The following SUMF1 variants were observed in gnomAD, a reference collection of about 807,000 sequenced individuals.
The protein encoded by SUMF1 is sulfatase modifying factor 1, also known as formylglycine-generating enzyme.
In SUMF1, 48 loss-of-function variants were observed where a neutral mutation model predicts 47.6. That is an observed-to-expected ratio of 1.01 (90% CI 0.80 to 1.28). The LOEUF (loss-of-function observed/expected upper bound fraction) is 1.28, where lower values mean the gene tolerates loss of function less well. SUMF1 is among the 50% of genes most tolerant of loss of function. SUMF1 has a pLI of 0.00. For synonymous variants in SUMF1, 230 were observed against 192.1 expected (o/e 1.20, Z -1.63); for missense variants, 571 against 485.4 (o/e 1.18, Z -1.66).
At chr3:4,203,838 A>T (rs748093510) in intron 8 of SUMF1, among the ~76,000 whole-genome samples, 1 of 151,854 alleles carries the variant, frequency 6.6e-6, no homozygotes, top group Non-Finnish European at 1.5e-5. Context: ...AACAACATTG[A>T]TTACAAAAAC....
intron 9 of SUMF1, among the ~76,000 whole-genome samples, chr3:4,038,335 A>G (rs980625528): frequency 1.3e-5 from 2 of 152,014 alleles, no homozygotes; most frequent in Non-Finnish European, 2.9e-5. Context: ...GATGGGGTGG[A>G]GTCTGTGGGA....
At chr3:4,373,515 G>T (rs1364239708) in intron 8 of SUMF1, among the ~76,000 whole-genome samples, 1 of 151,884 alleles carries the variant, frequency 6.6e-6, no homozygotes, top group Non-Finnish European at 1.5e-5. Context: ...CCACTCAGGA[G>T]GCTGAGGCAG....
intron 8 of SUMF1, among the ~76,000 whole-genome samples, chr3:4,098,274 C>A (rs1222233632): frequency 6.6e-6 from 1 of 152,022 alleles, no homozygotes; most frequent in Non-Finnish European, 1.5e-5. Flanking sequence ...ATAAAATATA[C>A]TAAATATTTA....
chr3:4,199,388 A>G (rs1162952155), intron 8 of SUMF1, among the ~76,000 whole-genome samples: 3 of 152,122 alleles, frequency 2.0e-5, no homozygotes, highest in Non-Finnish European at 2.9e-5. Flanking sequence ...CAGCTGAAGG[A>G]TATTTACGTT....
At chr3:4,122,046 C>T (rs866595275) in intron 8 of SUMF1, among the ~76,000 whole-genome samples, 1 of 151,382 alleles carries the variant, frequency 6.6e-6, no homozygotes, top group Non-Finnish European at 1.5e-5. Flanking sequence ...GACATGATCG[C>T]GTTCTTTTTT....
At chr3:4,314,443 G>A (rs1298614270) in intron 8 of SUMF1, 1 of 152,194 alleles carries the variant, frequency 6.6e-6, no homozygotes, top group African/African-American at 2.4e-5. Context: ...ATGGATCAAG[G>A]AAAAAGGCAT....
At chr3:4,266,436 G>T (rs533876054) in intron 8 of SUMF1, among the ~76,000 whole-genome samples, 2,524 of 152,144 alleles carry the variant, frequency 0.017, 80 homozygotes, top group African/African-American at 0.058. Context: ...TCCTTGAAGA[G>T]GTCCTTCACA....
intron 1 of SUMF1, among the ~76,000 whole-genome samples, chr3:4,465,870 G>A (rs910686278): frequency 6.6e-6 from 1 of 152,180 alleles, no homozygotes; most frequent in Admixed American, 6.5e-5. Flanking sequence ...GAAGGGGAGA[G>A]AAAGAGGAGA....
intron 8 of SUMF1, among the ~76,000 whole-genome samples, chr3:4,337,555 A>C (rs554854927): frequency 1.3e-5 from 2 of 151,968 alleles, no homozygotes; most frequent in African/African-American, 4.8e-5. Context: ...ACATGCCCAC[A>C]ACCTCTGCTC....
chr3:4,091,098 A>ACAAC (rs35628122), intron 8 of SUMF1, among the ~76,000 whole-genome samples: 1 of 138,934 alleles, frequency 7.2e-6, no homozygotes, highest in African/African-American at 2.9e-5. Flanking sequence ...AACAACAACA[A>ACAAC]AAAAAAAAAC....
chr3:4,203,148 G>A (rs555439303), intron 8 of SUMF1, among the ~76,000 whole-genome samples: 1 of 151,804 alleles, frequency 6.6e-6, no homozygotes, highest in East Asian at 1.9e-4. Context: ...CTTCTTTGTT[G>A]GTTTTCTGTC....
intron 8 of SUMF1, among the ~76,000 whole-genome samples, chr3:4,217,809 A>G (rs982203376): frequency 6.6e-6 from 1 of 151,556 alleles, no homozygotes; most frequent in Non-Finnish European, 1.5e-5. Flanking sequence ...ACTGCAACTA[A>G]AATTCACCAG....
chr3:4,274,321 GC>G (rs113271031), intron 8 of SUMF1, among the ~76,000 whole-genome samples: 296 of 152,144 alleles, frequency 1.9e-3, no homozygotes, highest in African/African-American at 6.6e-3. Context: ...TTTGTAGGGG[GC>G]AAAGGGAGAA....
chr3:4,169,805 G>A (rs1350812443), intron 8 of SUMF1, among the ~76,000 whole-genome samples: 1 of 152,088 alleles, frequency 6.6e-6, no homozygotes, highest in Non-Finnish European at 1.5e-5. Flanking sequence ...TAAATAAACA[G>A]TATAGTATCA....
At chr3:4,206,021 T>A (rs1695645145) in intron 8 of SUMF1, among the ~76,000 whole-genome samples, 1 of 152,076 alleles carries the variant, frequency 6.6e-6, no homozygotes, top group Non-Finnish European at 1.5e-5. Context: ...GGGCAGCAAG[T>A]TTCCTTCTGG....
intron 9 of SUMF1, among the ~76,000 whole-genome samples, chr3:4,061,743 T>G (rs1695279677): frequency 6.6e-6 from 1 of 152,060 alleles, no homozygotes; most frequent in African/African-American, 2.4e-5. Flanking sequence ...TATTAGAACA[T>G]GGGTTGAACA....
At chr3:4,415,599 A>C (rs370284547) in intron 6 of SUMF1, among the ~76,000 whole-genome samples, 6 of 152,090 alleles carry the variant, frequency 3.9e-5, no homozygotes, top group South Asian at 4.1e-4. Context: ...GATCGCCTGA[A>C]GTCAGGAGTT....
intron 8 of SUMF1, among the ~76,000 whole-genome samples, chr3:4,211,273 G>T (rs1695788427): frequency 7.5e-6 from 1 of 132,982 alleles, no homozygotes; most frequent in Non-Finnish European, 1.6e-5. Context: ...ATATACCCAG[G>T]TACTAAGCCT....
intron 8 of SUMF1, among the ~76,000 whole-genome samples, chr3:4,221,372 A>G (rs1480577529): frequency 6.6e-6 from 1 of 151,704 alleles, no homozygotes; most frequent in Non-Finnish European, 1.5e-5. Context: ...GCAACTTTTC[A>G]TGTACTTAAA....
Sources: allele counts gnomAD v4.1 joint callset (sites outside exome capture counted in the v4.1 genomes callset), GRCh38; gene constraint gnomAD v4.1.1; transcripts MANE v1.5; gene names NCBI Gene and HGNC (gene_info 2026-07-23, HGNC 2026-07-21).